The following GPC5 variants were observed in gnomAD, a reference collection of about 807,000 sequenced individuals.
The protein encoded by GPC5 is glypican 5, also known as glypican-5.
GPC5 carries 47 observed loss-of-function variants against 53.9 expected under a neutral mutation model. The observed-to-expected ratio is 0.87, with a 90% confidence interval of 0.69 to 1.11. The LOEUF (loss-of-function observed/expected upper bound fraction) is 1.11. Among genes scored for constraint, GPC5 ranks in the 50% most tolerant of loss-of-function variants. The probability of loss-of-function intolerance (pLI) is 0.00; values close to 1 mark genes in which losing one functional copy is unlikely to be tolerated. For synonymous variants in GPC5, 286 were observed against 263.3 expected (o/e 1.09, Z -0.84); for missense variants, 748 against 713.1 (o/e 1.05, Z -0.56).
At chr13:92,640,718 C>T (rs1885567777) in intron 7 of GPC5, among the ~76,000 whole-genome samples, 1 of 151,834 alleles carries the variant, frequency 6.6e-6, no homozygotes, top group African/African-American at 2.4e-5. Context: ...GGGGACATGC[C>T]AAAAAGAAAT....
At chr13:92,637,327 G>C (rs909571634) in intron 7 of GPC5, among the ~76,000 whole-genome samples, 1 of 152,172 alleles carries the variant, frequency 6.6e-6, no homozygotes, top group African/African-American at 2.4e-5. Flanking sequence ...CACAGAGAGA[G>C]CTTCAGAGAT....
chr13:91,938,411 A>C (rs931901744), intron 6 of GPC5, among the ~76,000 whole-genome samples: 2 of 152,136 alleles, frequency 1.3e-5, no homozygotes, highest in Non-Finnish European at 2.9e-5. Flanking sequence ...CTATTCATGA[A>C]GCATCCACCC....
intron 2 of GPC5, among the ~76,000 whole-genome samples, chr13:91,633,633 C>T (rs939474525): frequency 1.8e-4 from 27 of 152,214 alleles, no homozygotes; most frequent in African/African-American, 6.0e-4. Context: ...GAGTGTTCGT[C>T]TGGTTGACAT....
intron 3 of GPC5, 51 bp downstream of exon 3, chr13:91,693,932 A>G: frequency 7.4e-7 from 1 of 1,346,954 alleles, no homozygotes; most frequent in Non-Finnish European, 1.0e-6. Flanking sequence ...TTCAAATATT[A>G]GCCATGATAT....
intron 6 of GPC5, among the ~76,000 whole-genome samples, chr13:91,950,038 G>T (rs1347895510): frequency 6.6e-6 from 1 of 152,034 alleles, no homozygotes; most frequent in East Asian, 1.9e-4. Flanking sequence ...ATATATAAAT[G>T]CTTAATTAAG....
intron 7 of GPC5, among the ~76,000 whole-genome samples, chr13:92,768,407 T>C (rs1875491331): frequency 6.6e-6 from 1 of 152,166 alleles, no homozygotes; most frequent in Admixed American, 6.5e-5. Context: ...TATATATTAT[T>C]TGGATTTCCA....
chr13:91,576,273 AT>A (rs565677639), intron 2 of GPC5, among the ~76,000 whole-genome samples: 134 of 152,046 alleles, frequency 8.8e-4, no homozygotes, highest in African/African-American at 2.8e-3. Context: ...CACAAAAAAA[AT>A]GATTAATACA....
intron 2 of GPC5, among the ~76,000 whole-genome samples, chr13:91,669,275 A>C (rs2035190008): frequency 6.6e-6 from 1 of 152,216 alleles, no homozygotes; most frequent in Non-Finnish European, 1.5e-5. Flanking sequence ...GAGACAAAAC[A>C]TGATTGTTTC....
chr13:91,692,374 AT>A (rs2035774835), intron 2 of GPC5, among the ~76,000 whole-genome samples: 1 of 152,170 alleles, frequency 6.6e-6, no homozygotes, highest in Non-Finnish European at 1.5e-5. Flanking sequence ...AGGTCTAAGG[AT>A]TGTCTGGTTT....
At chr13:91,625,166 A>G (rs2033965725) in intron 2 of GPC5, among the ~76,000 whole-genome samples, 1 of 151,826 alleles carries the variant, frequency 6.6e-6, no homozygotes, top group South Asian at 2.1e-4. Context: ...AGGGCATAAA[A>G]CTACATAGGC....
At chr13:92,527,116 GAA>G (rs1474909837) in intron 7 of GPC5, among the ~76,000 whole-genome samples, 1 of 61,256 alleles carries the variant, frequency 1.6e-5, no homozygotes, top group African/African-American at 6.2e-5. Context: ...AAAAAAGAAA[GAA>G]AGAAAGAAAG....
At chr13:92,426,598 GAA>G (rs1358270767) in intron 7 of GPC5, among the ~76,000 whole-genome samples, 1 of 152,024 alleles carries the variant, frequency 6.6e-6, no homozygotes, top group South Asian at 2.1e-4. Flanking sequence ...TTCATTGGAA[GAA>G]AAAGAGCAAT....
intron 7 of GPC5, among the ~76,000 whole-genome samples, chr13:92,150,856 A>G (rs1448769519): frequency 6.6e-6 from 1 of 151,698 alleles, no homozygotes; most frequent in African/African-American, 2.4e-5. Context: ...TGAACAACAC[A>G]ATGCTAAGTG....
At chr13:92,685,620 G>A (rs1460936146) in intron 7 of GPC5, among the ~76,000 whole-genome samples, 2 of 112,982 alleles carry the variant, frequency 1.8e-5, no homozygotes, top group African/African-American at 7.2e-5. Flanking sequence ...GTGCAGGTTA[G>A]TTACATATGT....
At chr13:92,283,799 T>C (rs972678846) in intron 7 of GPC5, among the ~76,000 whole-genome samples, 2 of 152,140 alleles carry the variant, frequency 1.3e-5, no homozygotes, top group African/African-American at 4.8e-5. Flanking sequence ...AGGAGAGATC[T>C]AAAATTGACA....
At chr13:92,129,007 C>G (rs1166949035) in intron 6 of GPC5, among the ~76,000 whole-genome samples, 2 of 152,002 alleles carry the variant, frequency 1.3e-5, no homozygotes, top group Non-Finnish European at 2.9e-5. Context: ...AATACCAAAG[C>G]AACTGGGAGC....
chr13:91,841,494 T>C (rs2038787595), intron 5 of GPC5, among the ~76,000 whole-genome samples: 1 of 151,846 alleles, frequency 6.6e-6, no homozygotes. Flanking sequence ...TTCAAAGTAA[T>C]ATACGTGCTA....
intron 1 of GPC5, among the ~76,000 whole-genome samples, chr13:91,442,670 A>G (rs1035295118): frequency 3.3e-5 from 5 of 152,086 alleles, no homozygotes; most frequent in African/African-American, 1.2e-4. Context: ...GTTTCTTCCA[A>G]TTTGGCAGCT....
At chr13:92,593,702 G>T (rs2139070895) in intron 7 of GPC5, among the ~76,000 whole-genome samples, 1 of 152,240 alleles carries the variant, frequency 6.6e-6, no homozygotes. Flanking sequence ...CCAAGAAGAT[G>T]CAACTGATCA....
Sources: allele counts gnomAD v4.1 joint callset (sites outside exome capture counted in the v4.1 genomes callset), GRCh38; gene constraint gnomAD v4.1.1; transcripts MANE v1.5; gene names NCBI Gene and HGNC (gene_info 2026-07-23, HGNC 2026-07-21).